Variants in GNB1L observed in about 807,000 individuals in gnomAD.
GNB1L encodes guanine nucleotide-binding protein subunit beta-like protein 1.
In GNB1L, 20 loss-of-function variants were observed where a neutral mutation model predicts 29.1. The ratio of observed to expected loss-of-function variants is 0.69; its 90% CI spans 0.48 to 1.00. The LOEUF (loss-of-function observed/expected upper bound fraction) is 1.00. GNB1L is among the 50% of genes least tolerant of loss of function. GNB1L has a pLI of 0.00. For missense variants in GNB1L, 421 were observed against 464.9 expected, an observed-to-expected ratio of 0.91 and a Z score of 0.87; for synonymous variants, 193 against 206.5, an observed-to-expected ratio of 0.93 and a Z score of 0.56.
In GNB1L at chr22:19,794,388, G is replaced by C. The variant is rs1937283766; in HGVS notation, c.733-5428C>G. On this transcript the variant is annotated intron_variant, in intron 7 of 7. Coordinates refer to ENST00000329517, the MANE Select transcript of GNB1L (RefSeq NM_053004.3). Reference sequence around the variant, plus strand: ...ACAAGGTCATCATGTTTGTGAGGCGGGATGTAAACAACACTGATTCTAAGG... The same window carrying C: ...ACAAGGTCATCATGTTTGTGAGGCGCGATGTAAACAACACTGATTCTAAGG... Among the ~76,000 whole-genome samples the C allele has an allele frequency of 2.0e-5, 3 of 152,192 alleles. No individual in the cohort carries two copies. In the South Asian group the frequency reaches 6.2e-4, roughly 32 times the overall value.
Position 19,813,549 on chromosome 22 carries a change from G to A in GNB1L, c.255-1102C>T, listed in dbSNP as rs560544481. On this transcript the variant is annotated intron_variant, in intron 4 of 7. Coordinates refer to ENST00000329517, the MANE Select transcript of GNB1L (RefSeq NM_053004.3). Reference sequence around the variant, plus strand: ...AAAAACACAAAAAAATCAGCTGGGTGTGGTGGCACGTGCCTGTAATCCCAG... The same window carrying A: ...AAAAACACAAAAAAATCAGCTGGGTATGGTGGCACGTGCCTGTAATCCCAG... Among the ~76,000 whole-genome samples the A allele has an allele frequency of 5.6e-3, 859 of 152,228 alleles. 10 individuals carry two copies. Among genetic ancestry groups the A allele is most frequent in the African/African-American group, 0.02 (825 of 41,536 alleles).
intron 5 of GNB1L, among the ~76,000 whole-genome samples, chr22:19,809,185 C>T (rs1468178835): frequency 6.6e-6 from 1 of 151,692 alleles, no homozygotes; most frequent in African/African-American, 2.4e-5. Context: ...CAAGCAGAGA[C>T]ACAAGTGGCT....
In GNB1L at chr22:19,819,158, G is replaced by A. The variant is rs139374062; in HGVS notation, c.254+1440C>T. 4.6e-5 allele frequency among the ~76,000 whole-genome samples: 7 copies of A among 152,344 alleles called. No individual in the cohort carries two copies. The South Asian group carries it at 1.0e-3, about 23-fold the overall frequency. ...GCCCCACTGTCCTTCACCACACTCAGAGGCAGGCCCTCCAGGGCCGCAGCA... is the reference window on the plus strand; with the variant it reads ...GCCCCACTGTCCTTCACCACACTCAAAGGCAGGCCCTCCAGGGCCGCAGCA... On this transcript the variant is annotated intron_variant, in intron 4 of 7. Transcript: ENST00000329517.
chr22:19,801,191 A>G lies in GNB1L; in HGVS notation c.732+810T>C, dbSNP rs113245708. 2.7e-3 allele frequency among the ~76,000 whole-genome samples: 414 copies of G among 152,264 alleles called. 4 individuals are homozygous for G. Among genetic ancestry groups the G allele is most frequent in the African/African-American group, 8.8e-3 (364 of 41,558 alleles). On this transcript the variant is annotated intron_variant, in intron 7 of 7. Transcript: ENST00000329517. ...GGCCCTTCACCCACTAGACTGGGCA[A>G]TCTGACCACTCGCTGGCTATGGGTC...
rs930731817 is a variant in GNB1L at position 19,788,381 on chromosome 22, C to A, written c.*328G>T. Reference sequence around the variant, plus strand: ...ACTGATGCTAAGTGGGGGACCAGGGCCTCCTCAGGGAGCTCCCACCTCAAG... The same window carrying A: ...ACTGATGCTAAGTGGGGGACCAGGGACTCCTCAGGGAGCTCCCACCTCAAG... On this transcript the variant is annotated 3_prime_UTR_variant, in exon 8 of 8. Coordinates refer to ENST00000329517, the MANE Select transcript of GNB1L (RefSeq NM_053004.3). The A allele has an allele frequency of 5.7e-5, 33 of 583,670 alleles. 1 individual carries two copies. In the East Asian group the frequency reaches 8.5e-4, roughly 15 times the overall value. The allele number at this position is 583,670 out of a possible 1,614,324, so 36.2% of individuals were successfully genotyped here.
At chr22:19,834,544 G>C (rs1379891087) in intron 2 of GNB1L, among the ~76,000 whole-genome samples, 1 of 152,202 alleles carries the variant, frequency 6.6e-6, no homozygotes, top group Non-Finnish European at 1.5e-5. Context: ...CAATATGGCA[G>C]TTATAACATA....
At chr22:19,835,373 TA>T (rs34652133) in intron 2 of GNB1L, among the ~76,000 whole-genome samples, 67,004 of 136,088 alleles carry the variant, frequency 0.49, 17,008 homozygotes, top group African/African-American at 0.71. Flanking sequence ...CTTAAAAATG[TA>T]AAAAAAAAAA....
intron 2 of GNB1L, among the ~76,000 whole-genome samples, chr22:19,831,222 C>T (rs1937674869): frequency 6.6e-6 from 1 of 151,544 alleles, no homozygotes; most frequent in Non-Finnish European, 1.5e-5. Flanking sequence ...TATCTGGGCG[C>T]GGTGGCAAGC....
intron 2 of GNB1L, among the ~76,000 whole-genome samples, chr22:19,835,304 T>C (rs1040346878): frequency 6.7e-6 from 1 of 150,044 alleles, no homozygotes; most frequent in Non-Finnish European, 1.5e-5. Flanking sequence ...AACACATTCC[T>C]CTCAAATGCA....
Position 19,790,823 on chromosome 22 carries a change from G to A in GNB1L, c.733-1863C>T, listed in dbSNP as rs180960807. On this transcript the variant is annotated intron_variant, in intron 7 of 7. Coordinates refer to ENST00000329517, the MANE Select transcript of GNB1L (RefSeq NM_053004.3). The stretch of plus-strand genomic sequence containing the variant: ...GCTAGGTACAAGGAGGATGCCAAAG[G>A]AACTCTTGGCAAAGATATACTGGGA... Among the ~76,000 whole-genome samples, 6 of 152,316 alleles carry A rather than the reference G, an allele frequency of 3.9e-5. No individual in the cohort carries two copies. The East Asian group carries it at 7.7e-4, about 20-fold the overall frequency.
chr22:19,841,757 T>C (rs2145897183), intron 2 of GNB1L, among the ~76,000 whole-genome samples: 1 of 152,352 alleles, frequency 6.6e-6, no homozygotes, highest in Non-Finnish European at 1.5e-5. Flanking sequence ...TGGTACAAGC[T>C]AGTAGTTATT....
At chr22:19,808,428 G>A (rs1452155964) in intron 5 of GNB1L, among the ~76,000 whole-genome samples, 1 of 152,210 alleles carries the variant, frequency 6.6e-6, no homozygotes, top group East Asian at 1.9e-4. Context: ...AAGAGGCTCA[G>A]TGATGGTGAG....
intron 6 of GNB1L, among the ~76,000 whole-genome samples, chr22:19,802,833 G>A (rs2145868452): frequency 6.6e-6 from 1 of 152,370 alleles, no homozygotes; most frequent in African/African-American, 2.4e-5. Context: ...GATGAATGAG[G>A]GCGCGGGTCA....
At chr22:19,811,669 G>A (rs1937502023) in intron 5 of GNB1L, among the ~76,000 whole-genome samples, 1 of 152,092 alleles carries the variant, frequency 6.6e-6, no homozygotes, top group African/African-American at 2.4e-5. Flanking sequence ...CCACCTAACA[G>A]TGGCCTCCCT....
At chr22:19,793,448 G>A (rs1043832692) in intron 7 of GNB1L, among the ~76,000 whole-genome samples, 5 of 152,172 alleles carry the variant, frequency 3.3e-5, no homozygotes, top group African/African-American at 1.2e-4. Context: ...GGGGCCATGG[G>A]ATGCTATCAA....
rs370110512 is a variant in GNB1L at position 19,817,639 on chromosome 22, A to T, written c.254+2959T>A. On this transcript the variant is annotated intron_variant, in intron 4 of 7. Transcript: ENST00000329517. ...TTCCAAAGAAAAAAGCAGACAAAAT[A>T]GTCTATGCTTTTCAGAGACATACAT... 4.9e-4 allele frequency among the ~76,000 whole-genome samples: 75 copies of T among 152,350 alleles called. 1 individual carries two copies. The highest frequency in any genetic ancestry group is 1.7e-3 in the African/African-American group (71 of 41,582).
rs138999281 is a variant in GNB1L at position 19,820,651 on chromosome 22, G to T, written c.201C>A (p.Gly67=). 9 of 1,613,410 alleles carry T rather than the reference G, an allele frequency of 5.6e-6. No homozygotes were observed. Among genetic ancestry groups the T allele is most frequent in the Non-Finnish European group, 7.6e-6 (9 of 1,179,876 alleles). Residue 67 remains glycine (G), a synonymous_variant, in exon 4 of 8, where the codon GGC becomes GGA. Transcript: ENST00000329517. ...TCTGCAGCCAGGTCACACACTGGCC[G>T]CCGTGGCCATCCAGGGTGGTAACCG... ...RRAVTTLDGH[G]GQCVTWLQTL... is the part of the protein sequence containing the mutation.
chr22:19,837,710 G>C (rs775523446), intron 2 of GNB1L, among the ~76,000 whole-genome samples: 4 of 152,188 alleles, frequency 2.6e-5, no homozygotes, highest in Non-Finnish European at 5.9e-5. Context: ...ACATACTGGA[G>C]ACAACCCAAA....
At chr22:19,828,728 C>T (rs1216935033) in intron 2 of GNB1L, among the ~76,000 whole-genome samples, 1 of 151,260 alleles carries the variant, frequency 6.6e-6, no homozygotes, top group Non-Finnish European at 1.5e-5. Flanking sequence ...AATATCTATG[C>T]ACTATATAAC....
Sources: allele counts gnomAD v4.1 joint callset (sites outside exome capture counted in the v4.1 genomes callset), GRCh38; gene constraint gnomAD v4.1.1; transcripts MANE v1.5; gene names NCBI Gene and HGNC (gene_info 2026-07-23, HGNC 2026-07-21).